Variants in SSBP2 observed in about 807,000 individuals in gnomAD.
The protein encoded by SSBP2 is single stranded DNA binding protein 2.
Under a neutral mutation model 61.8 loss-of-function variants are expected in SSBP2, and 17 were observed. That is an observed-to-expected ratio of 0.28 (90% CI 0.19 to 0.41). The LOEUF (loss-of-function observed/expected upper bound fraction) is 0.41, where lower values mean the gene tolerates loss of function less well. Among genes scored for constraint, SSBP2 ranks in the 10% least tolerant of loss-of-function variants. The pLI, the probability that SSBP2 is intolerant of heterozygous loss-of-function variation, is 1.00. For synonymous variants in SSBP2, 139 were observed against 141.3 expected, an observed-to-expected ratio of 0.98 and a Z score of 0.12; for missense variants, 310 against 458.7, an observed-to-expected ratio of 0.68 and a Z score of 2.96.
chr5:81,689,749 A>G (rs1753070574), intron 1 of SSBP2, among the ~76,000 whole-genome samples: 1 of 152,170 alleles, frequency 6.6e-6, no homozygotes, highest in Non-Finnish European at 1.5e-5. Context: ...AGCAACATAA[A>G]ATCATTTAAA....
chr5:81,721,936 T>A (rs1039501233), intron 1 of SSBP2, among the ~76,000 whole-genome samples: 43 of 152,040 alleles, frequency 2.8e-4, no homozygotes, highest in Non-Finnish European at 5.0e-4. Context: ...GCTTCATCCC[T>A]ATACTGGTCC....
intron 1 of SSBP2, among the ~76,000 whole-genome samples, chr5:81,724,896 T>C (rs1755774184): frequency 6.6e-6 from 1 of 152,160 alleles, no homozygotes; most frequent in Non-Finnish European, 1.5e-5. Flanking sequence ...ATGTCTAGAA[T>C]ATTCAAGACG....
intron 8 of SSBP2, among the ~76,000 whole-genome samples, chr5:81,469,619 T>C (rs1211279918): frequency 6.6e-6 from 1 of 152,018 alleles, no homozygotes; most frequent in African/African-American, 2.4e-5. Context: ...CTCATCTTTG[T>C]ATACCCAGTG....
At chr5:81,743,577 TCCTTGCTAAAGATC>T (rs1007935559) in intron 1 of SSBP2, among the ~76,000 whole-genome samples, 1 of 152,228 alleles carries the variant, frequency 6.6e-6, no homozygotes, top group Non-Finnish European at 1.5e-5. Flanking sequence ...AGATACATCT[TCCTTGCTAAAGATC>T]CCAAGTTTTG....
chr5:81,690,259 A>G (rs1199559503), intron 1 of SSBP2, among the ~76,000 whole-genome samples: 1 of 152,168 alleles, frequency 6.6e-6, no homozygotes, highest in East Asian at 1.9e-4. Context: ...CTTATCAATA[A>G]TAACATTGAA....
chr5:81,555,061 T>C lies in SSBP2; in HGVS notation c.283-41344A>G, dbSNP rs376280781. 4.6e-5 allele frequency among the ~76,000 whole-genome samples: 7 copies of C among 152,260 alleles called. No homozygotes were observed. In the East Asian group the frequency reaches 1.2e-3, roughly 25 times the overall value. ...TTAATAACAGTACTTCACTCAATAT[T>C]GCTTTCTGTAATTTCTGATTATTTT... On this transcript the variant is annotated intron_variant, in intron 4 of 16. Transcript: ENST00000320672.
chr5:81,447,223 A>G (rs1763460943), intron 11 of SSBP2, among the ~76,000 whole-genome samples: 1 of 152,230 alleles, frequency 6.6e-6, no homozygotes, highest in South Asian at 2.1e-4. Flanking sequence ...GGGTCTTTAC[A>G]AATCCATAAA....
Position 81,518,645 on chromosome 5 carries a change from C to T in SSBP2, c.283-4928G>A, listed in dbSNP as rs373695336. On this transcript the variant is annotated intron_variant, in intron 4 of 16. Coordinates refer to ENST00000320672, the MANE Select transcript of SSBP2 (RefSeq NM_012446.5). ...CAGAATGAACTAAGACATAAGCCAT[C>T]TGTAGGTACTTTATGAGAAACACTT... Among the ~76,000 whole-genome samples the T allele has an allele frequency of 5.4e-4, 82 of 152,200 alleles. 2 individuals are homozygous for T. The South Asian group carries it at 0.017, about 31-fold the overall frequency.
intron 4 of SSBP2, among the ~76,000 whole-genome samples, chr5:81,606,457 C>A (rs1256473349): frequency 6.6e-6 from 1 of 152,112 alleles, no homozygotes; most frequent in Non-Finnish European, 1.5e-5. Flanking sequence ...TCAATCCTAT[C>A]TTGGTCTGAA....
chr5:81,632,163 C>T (rs528408953), intron 3 of SSBP2, among the ~76,000 whole-genome samples: 8 of 152,274 alleles, frequency 5.3e-5, no homozygotes, highest in South Asian at 2.1e-4. Context: ...AAATGTCTTA[C>T]GCATTTCTTT....
At chr5:81,638,248 TATA>T (rs1383760518) in intron 2 of SSBP2, among the ~76,000 whole-genome samples, 2 of 149,308 alleles carry the variant, frequency 1.3e-5, no homozygotes, top group Non-Finnish European at 3.0e-5. Context: ...AAACTTAAAG[TATA>T]ATAATAATAA....
At chr5:81,472,728 T>C (rs992827183) in intron 8 of SSBP2, among the ~76,000 whole-genome samples, 3 of 152,004 alleles carry the variant, frequency 2.0e-5, no homozygotes, top group Admixed American at 6.6e-5. Flanking sequence ...TCCTCTCGAG[T>C]AGCTGGGATT....
At position 81,428,694 on chromosome 5, in the gene SSBP2, G is replaced by T; in HGVS notation, c.958-11C>A. ...ATTATTGGGAGAATTCTGTAAACAA[G>T]ATTTAGAAAACAAGGCATTGTTGAA... On this transcript the variant is annotated splice_polypyrimidine_tract_variant and intron_variant, in intron 15 of 16. Transcript: ENST00000320672. The T allele has an allele frequency of 1.2e-6, 2 of 1,603,514 alleles. No homozygotes were observed. Among genetic ancestry groups the T allele is most frequent in the Non-Finnish European group, 1.7e-6 (2 of 1,171,462 alleles).
intron 9 of SSBP2, among the ~76,000 whole-genome samples, chr5:81,465,267 A>T (rs1224849056): frequency 6.6e-6 from 1 of 152,014 alleles, no homozygotes; most frequent in Non-Finnish European, 1.5e-5. Flanking sequence ...GAAAATACTT[A>T]AAAGTATCTA....
At chr5:81,503,997 G>A (rs1262008597) in intron 5 of SSBP2, among the ~76,000 whole-genome samples, 1 of 152,034 alleles carries the variant, frequency 6.6e-6, no homozygotes, top group Non-Finnish European at 1.5e-5. Flanking sequence ...GTGGAAGGTG[G>A]GAGGAGGAAA....
At chr5:81,612,502 A>G (rs1249346234) in intron 4 of SSBP2, among the ~76,000 whole-genome samples, 1 of 152,138 alleles carries the variant, frequency 6.6e-6, no homozygotes, top group African/African-American at 2.4e-5. Context: ...CCCAATATCA[A>G]AAGATAGTCA....
At chr5:81,557,941 A>C (rs1038961747) in intron 4 of SSBP2, among the ~76,000 whole-genome samples, 26 of 152,114 alleles carry the variant, frequency 1.7e-4, no homozygotes, top group Non-Finnish European at 2.6e-4. Flanking sequence ...TTACATTTCT[A>C]TATATATTCT....
At chr5:81,423,189 A>G (rs1473221825) in intron 16 of SSBP2, among the ~76,000 whole-genome samples, 1 of 152,232 alleles carries the variant, frequency 6.6e-6, no homozygotes, top group African/African-American at 2.4e-5. Flanking sequence ...GTCCAATATA[A>G]CTTTCTGTGA....
chr5:81,644,934 G>A (rs1344056808), intron 2 of SSBP2, among the ~76,000 whole-genome samples: 2 of 152,088 alleles, frequency 1.3e-5, no homozygotes, highest in African/African-American at 2.4e-5. Context: ...CACTTGGAAC[G>A]CACATGTACA....
Sources: gnomAD v4.1 joint callset for allele counts (sites outside exome capture counted in the v4.1 genomes callset) on GRCh38, gnomAD v4.1.1 for gene constraint, MANE v1.5 for transcripts, NCBI Gene and HGNC (gene_info 2026-07-23, HGNC 2026-07-21) for gene names.